EFCAB6: variants seen among roughly 807,000 people sequenced by gnomAD.
EFCAB6 encodes EF-hand calcium binding domain 6.
Under a neutral mutation model 169.8 loss-of-function variants are expected in EFCAB6, and 156 were observed. The ratio of observed to expected loss-of-function variants is 0.92; its 90% CI spans 0.81 to 1.05. EFCAB6 has a LOEUF of 1.05. Ranked by LOEUF, EFCAB6 falls within the 50% of genes least tolerant of loss-of-function variation. The probability of loss-of-function intolerance (pLI) is 0.00; values close to 1 mark genes in which losing one functional copy is unlikely to be tolerated. For synonymous variants in EFCAB6, 698 were observed against 676.4 expected, an observed-to-expected ratio of 1.03 and a Z score of -0.50; for missense variants, 1,800 against 1,829.1, an observed-to-expected ratio of 0.98 and a Z score of 0.29.
At chr22:43,754,189 G>A (rs1156255489) in intron 6 of EFCAB6, among the ~76,000 whole-genome samples, 1 of 152,174 alleles carries the variant, frequency 6.6e-6, no homozygotes, top group Non-Finnish European at 1.5e-5. Flanking sequence ...AGTAACAGCT[G>A]GCATTTATTA....
chr22:43,623,724 T>A (rs1376156990), intron 20 of EFCAB6, among the ~76,000 whole-genome samples: 8 of 131,460 alleles, frequency 6.1e-5, no homozygotes, highest in African/African-American at 2.1e-4. Flanking sequence ...TGAAACCCCG[T>A]CTCTACTAAA....
chr22:43,698,148 G>A (rs971140324), intron 10 of EFCAB6, among the ~76,000 whole-genome samples: 3 of 152,112 alleles, frequency 2.0e-5, no homozygotes, highest in African/African-American at 7.2e-5. Context: ...GTGTTGGTTT[G>A]AAAACATGAA....
intron 10 of EFCAB6, among the ~76,000 whole-genome samples, chr22:43,690,481 A>C (rs1449219561): frequency 6.7e-6 from 1 of 149,458 alleles, no homozygotes; most frequent in Admixed American, 6.7e-5. Flanking sequence ...ATGCCACTGC[A>C]CTCCAGCCTG....
At chr22:43,683,055 GA>G (rs1268009727) in intron 12 of EFCAB6, among the ~76,000 whole-genome samples, 2 of 152,132 alleles carry the variant, frequency 1.3e-5, no homozygotes, top group Non-Finnish European at 2.9e-5. Context: ...GGCTGATGCT[GA>G]GCTAAGGGAC....
intron 12 of EFCAB6, among the ~76,000 whole-genome samples, chr22:43,680,264 G>C (rs138160042): frequency 2.0e-5 from 3 of 152,214 alleles, no homozygotes; most frequent in Non-Finnish European, 4.4e-5. Context: ...TAAATGTAAG[G>C]GTTTATTTTT....
At chr22:43,686,999 C>T (rs554179958) in intron 11 of EFCAB6, among the ~76,000 whole-genome samples, 1 of 152,240 alleles carries the variant, frequency 6.6e-6, no homozygotes, top group Non-Finnish European at 1.5e-5. Context: ...TAATGATAGA[C>T]AAATAATCTC....
At position 43,528,919 on chromosome 22, in the gene EFCAB6, C is replaced by T. The variant is rs1484391090; in HGVS notation, c.4440G>A (p.Glu1480=). Residue 1480 remains glutamate (E), a synonymous_variant, in exon 32 of 32, where the codon GAG becomes GAA. Coordinates refer to ENST00000262726, the MANE Select transcript of EFCAB6 (RefSeq NM_022785.4). ...TTGAAGACAGCGTCTTATCGTAATA[C>T]TCCAGAATATGGAAGAACTCTTCCT... ...LSEEEFFHIL[E]YYDKTLSSKI... 5 of 1,611,090 alleles carry T rather than the reference C, an allele frequency of 3.1e-6. No homozygotes were observed. The highest frequency in any genetic ancestry group is 1.3e-5 in the African/African-American group (1 of 74,878).
chr22:43,746,652 T>G (rs1237102863), intron 6 of EFCAB6, among the ~76,000 whole-genome samples: 1 of 152,176 alleles, frequency 6.6e-6, no homozygotes, highest in Non-Finnish European at 1.5e-5. Context: ...GGCTCATGCC[T>G]GTAACCCCAG....
At chr22:43,652,013 G>T (rs971432308) in intron 17 of EFCAB6, among the ~76,000 whole-genome samples, 3 of 152,154 alleles carry the variant, frequency 2.0e-5, no homozygotes, top group Non-Finnish European at 4.4e-5. Flanking sequence ...TTTGGACTAT[G>T]GACTTTTGAG....
intron 5 of EFCAB6, chr22:43,759,726 AC>A (rs1326115824): frequency 6.6e-6 from 1 of 152,192 alleles, no homozygotes. Flanking sequence ...TCCAGGTCAT[AC>A]CTTTTTAATC....
At chr22:43,782,427 T>A in intron 2 of EFCAB6, 102 bp from the exon 3 acceptor site, 1 of 983,514 alleles carries the variant, frequency 1.0e-6, no homozygotes, top group Non-Finnish European at 1.5e-6. Context: ...AGCTGCAGAG[T>A]GTAAAAATGA....
At chr22:43,762,460 T>C (rs191838515) in intron 5 of EFCAB6, among the ~76,000 whole-genome samples, 1 of 152,342 alleles carries the variant, frequency 6.6e-6, no homozygotes, top group East Asian at 1.9e-4. Context: ...TTTTACTCTA[T>C]GTTTGGCCTC....
intron 10 of EFCAB6, among the ~76,000 whole-genome samples, chr22:43,708,193 G>C (rs1414726050): frequency 6.6e-6 from 1 of 151,946 alleles, no homozygotes; most frequent in Non-Finnish European, 1.5e-5. Context: ...GATCACCTGA[G>C]GTCAGGAGTT....
At chr22:43,804,057 T>C (rs1454392205) in intron 2 of EFCAB6, among the ~76,000 whole-genome samples, 1 of 152,166 alleles carries the variant, frequency 6.6e-6, no homozygotes, top group South Asian at 2.1e-4. Flanking sequence ...TTCTCCAGAA[T>C]AGACCACATC....
rs1267054684 is a variant in EFCAB6, at chr22:43,572,782, T to C, written c.3420+3515A>G. Among the ~76,000 whole-genome samples the C allele has an allele frequency of 6.6e-6, 1 of 152,230 alleles. No individual in the cohort carries two copies. ...GTGACGGAGTCACTCACTCCTGCTC[T>C]GTCCCCCTCGCTAGAATGGGGGCTT... is the stretch of plus-strand genomic sequence containing the variant. On this transcript the variant is annotated intron_variant, in intron 26 of 31. Coordinates refer to ENST00000262726, the MANE Select transcript of EFCAB6 (RefSeq NM_022785.4). The surrounding 1 kb of genome is among the most constrained non-coding windows in gnomAD (Gnocchi z 4.0).
rs1239833950 is a variant in EFCAB6 at position 43,540,113 on chromosome 22, G to T, written c.3879+14C>A. The T allele has an allele frequency of 1.2e-6, 2 of 1,613,114 alleles. No homozygotes were observed. The highest frequency in any genetic ancestry group is 2.7e-5 in the African/African-American group (2 of 74,914). Reference sequence around the variant, plus strand: ...TGAGGAGGCCTGGGACACCTGGCAGGATGGAGAACTCACACAGGGGTGGCT... The same window carrying T: ...TGAGGAGGCCTGGGACACCTGGCAGTATGGAGAACTCACACAGGGGTGGCT... On this transcript the variant is annotated intron_variant, in intron 28 of 31. Transcript: ENST00000262726.
chr22:43,592,336 C>T (rs2051615111), intron 23 of EFCAB6, among the ~76,000 whole-genome samples: 1 of 152,176 alleles, frequency 6.6e-6, no homozygotes, highest in African/African-American at 2.4e-5. Flanking sequence ...ATTTTGGATT[C>T]CCCTACAGGT....
chr22:43,581,175 C>A (rs374644570), intron 24 of EFCAB6, among the ~76,000 whole-genome samples: 7 of 152,108 alleles, frequency 4.6e-5, no homozygotes, highest in African/African-American at 1.7e-4. Context: ...GTCATGGAGG[C>A]CTTAACCAAG....
At chr22:43,563,915 G>A (rs1182091502) in intron 26 of EFCAB6, among the ~76,000 whole-genome samples, 1 of 152,234 alleles carries the variant, frequency 6.6e-6, no homozygotes, top group African/African-American at 2.4e-5. Context: ...TGCGTCTCTT[G>A]ACCGGCTGCG....
Sources: gnomAD v4.1 joint callset for allele counts (sites outside exome capture counted in the v4.1 genomes callset) on GRCh38, gnomAD v4.1.1 for gene constraint, Gnocchi (gnomAD v3.1) non-coding constraint, MANE v1.5 for transcripts, NCBI Gene and HGNC (gene_info 2026-07-23, HGNC 2026-07-21) for gene names.